The following GPHN variants were observed in gnomAD, a reference collection of about 807,000 sequenced individuals.
GPHN encodes gephyrin.
A neutral mutation model predicts 95.5 loss-of-function variants in GPHN; 17 were observed. That is an observed-to-expected ratio of 0.18 (90% CI 0.12 to 0.27). The LOEUF is 0.27. Ranked by LOEUF, GPHN falls within the 10% of genes least tolerant of loss-of-function variation. The pLI is 1.00. For missense variants in GPHN, 660 were observed against 978.1 expected, an observed-to-expected ratio of 0.67 and a Z score of 4.34; for synonymous variants, 320 against 322.5, an observed-to-expected ratio of 0.99 and a Z score of 0.08.
At chr14:67,412,776 G>GT in the GPHN span, among the ~76,000 whole-genome samples, 1 of 152,084 alleles carries the variant, frequency 6.6e-6, no homozygotes, top group African/African-American at 2.4e-5. Flanking sequence ...TTTTTTGTTT[G>GT]TTTTTTGAGA....
the GPHN span, among the ~76,000 whole-genome samples, chr14:67,511,359 A>G: frequency 1.3e-5 from 2 of 152,018 alleles, no homozygotes; most frequent in African/African-American, 4.8e-5. Context: ...AAAAACAAAA[A>G]AACAAAAAAA....
At chr14:66,817,792 G>A (rs568710494) in intron 3 of GPHN, among the ~76,000 whole-genome samples, 2 of 152,234 alleles carry the variant, frequency 1.3e-5, no homozygotes, top group Admixed American at 6.5e-5. Flanking sequence ...TGACATGGTA[G>A]TAGAAGTTTA....
chr14:67,434,971 T>TC, the GPHN span, among the ~76,000 whole-genome samples: 3 of 131,582 alleles, frequency 2.3e-5, no homozygotes, highest in South Asian at 2.3e-4. Context: ...TCTCTCTCTC[T>TC]TTTTTTTTTT....
At chr14:67,332,818 G>T in the GPHN span, 1 of 1,613,730 alleles carries the variant, frequency 6.2e-7, no homozygotes, top group South Asian at 1.1e-5. Context: ...AGACAAGAGA[G>T]ATGGAGCAGA....
At chr14:67,099,874 C>T (rs2153677917) in intron 12 of GPHN, among the ~76,000 whole-genome samples, 1 of 152,054 alleles carries the variant, frequency 6.6e-6, no homozygotes, top group East Asian at 1.9e-4. Context: ...TGTAGATATG[C>T]TCCCAAAACT....
intron 1 of GPHN, among the ~76,000 whole-genome samples, chr14:66,545,091 G>A (rs1271589048): frequency 6.6e-6 from 1 of 152,160 alleles, no homozygotes; most frequent in African/African-American, 2.4e-5. Flanking sequence ...ATGAGCTGCC[G>A]GGCACACCTC....
At chr14:66,962,229 A>G (rs939431407) in intron 8 of GPHN, among the ~76,000 whole-genome samples, 14 of 151,046 alleles carry the variant, frequency 9.3e-5, no homozygotes, top group African/African-American at 3.4e-4. Flanking sequence ...CTGTGTTGAC[A>G]TATTCTTCTA....
intron 9 of GPHN, among the ~76,000 whole-genome samples, chr14:67,001,433 T>G (rs182235940): frequency 1.6e-3 from 242 of 151,778 alleles, no homozygotes; most frequent in African/African-American, 5.4e-3. Flanking sequence ...TTTATACTTA[T>G]AGTTCCAGCT....
chr14:66,733,827 A>C (rs1256086544), intron 2 of GPHN, among the ~76,000 whole-genome samples: 1 of 152,226 alleles, frequency 6.6e-6, no homozygotes, highest in Non-Finnish European at 1.5e-5. Flanking sequence ...TGCACAGAAG[A>C]GACATAGTTC....
At chr14:67,008,643 C>G (rs1014896404) in intron 9 of GPHN, among the ~76,000 whole-genome samples, 1 of 151,878 alleles carries the variant, frequency 6.6e-6, no homozygotes, top group African/African-American at 2.4e-5. Flanking sequence ...CTTCTGGGCT[C>G]AAGCGATCCT....
At chr14:67,352,850 CAAAA>C in the GPHN span, 1 of 715,986 alleles carries the variant, frequency 1.4e-6, no homozygotes, top group Non-Finnish European at 2.1e-6. Context: ...ATAACAACAA[CAAAA>C]AAAAAAATGC....
chr14:67,332,805 A>G, the GPHN span: 2 of 1,612,012 alleles, frequency 1.2e-6, no homozygotes, highest in Admixed American at 1.7e-5. Flanking sequence ...GAAATCATTG[A>G]GAAGACAAGA....
the GPHN span, among the ~76,000 whole-genome samples, chr14:67,269,217 C>T: frequency 8.7e-3 from 1,329 of 152,172 alleles, 20 homozygotes; most frequent in African/African-American, 0.029. Context: ...TTTTATTTTC[C>T]AATAATGTTT....
At chr14:66,892,179 T>C (rs1197558649) in intron 5 of GPHN, among the ~76,000 whole-genome samples, 1 of 151,936 alleles carries the variant, frequency 6.6e-6, no homozygotes, top group East Asian at 1.9e-4. Context: ...TCCCAACACT[T>C]TGGGAGGCTG....
chr14:66,989,510 A>C (rs535613043), intron 9 of GPHN, among the ~76,000 whole-genome samples: 1 of 151,954 alleles, frequency 6.6e-6, no homozygotes, highest in Non-Finnish European at 1.5e-5. Flanking sequence ...CCATTATTTA[A>C]TTTCTTTTTT....
chr14:66,608,043 T>G (rs113928752), intron 1 of GPHN, among the ~76,000 whole-genome samples: 12 of 106,070 alleles, frequency 1.1e-4, no homozygotes, highest in African/African-American at 5.5e-4. Flanking sequence ...CTTTGTGGTT[T>G]TTTTTTTTTT....
the GPHN span, chr14:67,278,996 TCCC>T: frequency 5.3e-6 from 3 of 570,348 alleles, no homozygotes; most frequent in South Asian, 3.4e-5. Flanking sequence ...TACACTTTTT[TCCC>T]CCCCATCTTT....
At chr14:67,096,616 CTTTTT>C (rs200466980) in intron 12 of GPHN, among the ~76,000 whole-genome samples, 1 of 134,700 alleles carries the variant, frequency 7.4e-6, no homozygotes. Context: ...TCAAAGCAGT[CTTTTT>C]TTTTTTTTTT....
At chr14:67,063,714 G>A (rs886218874) in intron 11 of GPHN, among the ~76,000 whole-genome samples, 14 of 152,028 alleles carry the variant, frequency 9.2e-5, no homozygotes, top group Admixed American at 3.9e-4. Flanking sequence ...GAGTTCACTC[G>A]TGATTTGGCT....
Sources: allele counts gnomAD v4.1 joint callset (sites outside exome capture counted in the v4.1 genomes callset), GRCh38; gene constraint gnomAD v4.1.1; transcripts MANE v1.5; gene names NCBI Gene and HGNC (gene_info 2026-07-23, HGNC 2026-07-21).